ATP13A3: variants seen among roughly 807,000 people sequenced by gnomAD.
ATP13A3 encodes ATPase 13A3, also known as polyamine-transporting ATPase 13A3.
ATP13A3 carries 59 observed loss-of-function variants against 158.1 expected under a neutral mutation model. The ratio of observed to expected loss-of-function variants is 0.37; its 90% CI spans 0.30 to 0.46. ATP13A3 has a LOEUF of 0.46. Among genes scored for constraint, ATP13A3 ranks in the 20% least tolerant of loss-of-function variants. ATP13A3 has a pLI of 1.00. For missense variants in ATP13A3, 1,166 were observed against 1,525.2 expected (o/e 0.76, Z 3.92); for synonymous variants, 491 against 504.3 (o/e 0.97, Z 0.35).
Position 194,428,879 on chromosome 3 carries a change from A to C in ATP13A3, c.2913T>G (p.Ile971Met). 6.3e-7 allele frequency: 1 copy of C among 1,599,482 alleles called. No homozygotes were observed. The highest frequency in any genetic ancestry group is 1.1e-5 in the South Asian group (1 of 89,974). ...CCACTACCAAAATGATTGCCAGATC[A>C]ATGAAGAGAAACTGGAAGTCTCCTA... is the stretch of plus-strand genomic sequence containing the variant. ...SNLGDFQFLF[I>M]DLAIILVVVF... The change falls in exon 28 of 34, where the codon ATT (isoleucine) becomes ATG (methionine). Residue 971 changes from isoleucine to methionine, a missense_variant. By Grantham distance (10) the Ile-to-Met change is conservative. Coordinates refer to ENST00000645319, the MANE Select transcript of ATP13A3 (RefSeq NM_001367549.1).
intron 2 of ATP13A3, among the ~76,000 whole-genome samples, chr3:194,481,025 C>A (rs778587729): frequency 6.6e-6 from 1 of 152,070 alleles, no homozygotes; most frequent in South Asian, 2.1e-4. Flanking sequence ...AAACTGGTGC[C>A]TTTTTAAAAG....
In ATP13A3 at chr3:194,403,749, T is replaced by C; in HGVS notation, c.*2170A>G. On this transcript the variant is annotated 3_prime_UTR_variant, in exon 34 of 34. Coordinates refer to ENST00000645319, the MANE Select transcript of ATP13A3 (RefSeq NM_001367549.1). The stretch of plus-strand genomic sequence containing the variant: ...CACTGAGTAGAACCCACACCTGGCT[T>C]CACAGGCATTCTTCAAATAACATTC... 1 of 200,302 alleles carries C rather than the reference T, an allele frequency of 5.0e-6. No individual in the cohort carries two copies. Among genetic ancestry groups the C allele is most frequent in the Non-Finnish European group, 1.0e-5 (1 of 97,666 alleles). 12.4% of individuals were successfully genotyped at this position (200,302 alleles called of 1,614,324 possible).
chr3:194,441,525 G>T, intron 15 of ATP13A3, 64 bp from the exon 16 acceptor site: 2 of 1,414,758 alleles, frequency 1.4e-6, no homozygotes, highest in East Asian at 2.3e-5. Context: ...ATTCTAACAG[G>T]GCTTTTCTGG....
intron 6 of ATP13A3, 129 bp downstream of exon 6, chr3:194,459,342 A>T: frequency 1.4e-6 from 1 of 690,832 alleles, no homozygotes; most frequent in Non-Finnish European, 2.5e-6. Context: ...GGGAGTTGTT[A>T]ATTAATACGT....
In ATP13A3 at chr3:194,462,126, G is replaced by C; in HGVS notation, c.51+14C>G. On this transcript the variant is annotated intron_variant, in intron 3 of 33. Transcript: ENST00000645319. ...GTCTTCACACATCACCAGTAAATTA[G>C]AACAGCTGGTTACCATTTCATCTTC... 6.2e-7 allele frequency: 1 copy of C among 1,612,074 alleles called. No individual in the cohort carries two copies. Among genetic ancestry groups the C allele is most frequent in the Non-Finnish European group, 8.5e-7 (1 of 1,178,262 alleles).
In ATP13A3 at chr3:194,437,591, C is replaced by T; in HGVS notation, c.1828-18G>A. The T allele has an allele frequency of 6.3e-7, 1 of 1,592,080 alleles. No individual in the cohort carries two copies. On this transcript the variant is annotated intron_variant, in intron 17 of 33. Transcript: ENST00000645319. ...AACAGCTCCTAAAAACGAAACAAAA[C>T]AAGAAAAAATAGTACAGATTAACTC...
At chr3:194,484,231 T>C (rs184121893) in intron 2 of ATP13A3, among the ~76,000 whole-genome samples, 1 of 152,176 alleles carries the variant, frequency 6.6e-6, no homozygotes, top group East Asian at 1.9e-4. Context: ...TGTAAGCTCC[T>C]TAACTTCTTT....
chr3:194,448,539 T>C lies in ATP13A3; in HGVS notation c.1068A>G (p.Arg356=). ...CAGTTGTCCCACAAAACAAAGTATG[T>C]CGTTTATGTGTTTCTGGATTATATA... ...DELYNPETHK[R]HTLFCGTTVI... is the part of the protein sequence containing the mutation. Residue 356 remains arginine (R), a synonymous_variant, in exon 12 of 34, where the codon CGA becomes CGG. Coordinates refer to ENST00000645319, the MANE Select transcript of ATP13A3 (RefSeq NM_001367549.1). The surrounding 1 kb of genome is among the most constrained non-coding windows in gnomAD (Gnocchi z 4.0). 1 of 1,614,126 alleles carries C rather than the reference T, an allele frequency of 6.2e-7. No individual in the cohort carries two copies. Among genetic ancestry groups the C allele is most frequent in the Non-Finnish European group, 8.5e-7 (1 of 1,179,972 alleles).
At chr3:194,482,391 C>T (rs1174144239) in intron 2 of ATP13A3, among the ~76,000 whole-genome samples, 1 of 152,182 alleles carries the variant, frequency 6.6e-6, no homozygotes, top group African/African-American at 2.4e-5. Flanking sequence ...CTGTGCATAA[C>T]CTACTAACAC....
At chr3:194,462,323 C>T (rs772201072) in intron 2 of ATP13A3, 87 bp from the exon 3 acceptor site, 4 of 915,186 alleles carry the variant, frequency 4.4e-6, no homozygotes, top group Non-Finnish European at 6.7e-6. Context: ...GTCTATTATA[C>T]AAGGGGTCCC....
chr3:194,466,890 T>C (rs1720020639), intron 2 of ATP13A3, among the ~76,000 whole-genome samples: 2 of 152,206 alleles, frequency 1.3e-5, no homozygotes. Flanking sequence ...GAAGAAAACT[T>C]TCAGAAGACA....
At chr3:194,429,634 G>A (rs373946495) in intron 27 of ATP13A3, 44 bp downstream of exon 27, 78 of 1,381,402 alleles carry the variant, frequency 5.6e-5, no homozygotes, top group African/African-American at 2.6e-4. Flanking sequence ...CTTAATTTAC[G>A]GTGCACATTA....
At chr3:194,423,071 AC>A (rs1716505455) in intron 30 of ATP13A3, among the ~76,000 whole-genome samples, 1 of 152,074 alleles carries the variant, frequency 6.6e-6, no homozygotes, top group Admixed American at 6.6e-5. Context: ...CCAACAAGAA[AC>A]TGCATTAAAA....
chr3:194,431,270 C>T, intron 22 of ATP13A3, 44 bp from the exon 23 acceptor site: 1 of 1,528,102 alleles, frequency 6.5e-7, no homozygotes, highest in Non-Finnish European at 8.9e-7. Flanking sequence ...GCAACCAAAC[C>T]AAGTAAAACA....
chr3:194,425,082 A>G (rs1239586964), intron 30 of ATP13A3, among the ~76,000 whole-genome samples: 2 of 152,142 alleles, frequency 1.3e-5, no homozygotes, highest in Non-Finnish European at 2.9e-5. Context: ...TCCCTCCACA[A>G]TGGGTTGCAG....
Position 194,425,637 on chromosome 3 carries a change from TATG to T in ATP13A3, c.3126-111_3126-109del. 3 of 852,082 alleles carry T rather than the reference TATG, an allele frequency of 3.5e-6. No homozygotes were observed. In the South Asian group the frequency reaches 5.8e-5, roughly 17 times the overall value. The allele number at this position is 852,082 out of a possible 1,614,324, so 52.8% of individuals were successfully genotyped here. On this transcript the variant is annotated intron_variant, in intron 29 of 33. Coordinates refer to ENST00000645319, the MANE Select transcript of ATP13A3 (RefSeq NM_001367549.1). ...GAATCACTATCATAACAAATAGAAA[TATG>T]ATATTTACAGCAAAAGGTCCAACAA...
chr3:194,478,014 G>A (rs750053093), intron 2 of ATP13A3, among the ~76,000 whole-genome samples: 1 of 152,318 alleles, frequency 6.6e-6, no homozygotes, highest in Non-Finnish European at 1.5e-5. Flanking sequence ...CTCTAGCCAA[G>A]CAGTTCCCTG....
intron 31 of ATP13A3, among the ~76,000 whole-genome samples, chr3:194,416,247 C>A (rs192922207): frequency 3.9e-5 from 6 of 152,218 alleles, no homozygotes; most frequent in Admixed American, 2.0e-4. Context: ...ATCGTGAGGT[C>A]AGGAGTTCGA....
At chr3:194,426,033 G>A (rs902782827) in intron 29 of ATP13A3, among the ~76,000 whole-genome samples, 10 of 152,168 alleles carry the variant, frequency 6.6e-5, no homozygotes, top group African/African-American at 2.4e-4. Flanking sequence ...TTTCAGGTAG[G>A]CAGGACCATC....
Sources: gnomAD v4.1 joint callset for allele counts (sites outside exome capture counted in the v4.1 genomes callset) on GRCh38, gnomAD v4.1.1 for gene constraint, Gnocchi (gnomAD v3.1) non-coding constraint, MANE v1.5 for transcripts, NCBI Gene and HGNC (gene_info 2026-07-23, HGNC 2026-07-21) for gene names.